DMD: variants seen among roughly 807,000 people sequenced by gnomAD.
DMD encodes the protein mutant dystrophin.
In DMD, 63 loss-of-function variants were observed where a neutral mutation model predicts 330.1. That is an observed-to-expected ratio of 0.19 (90% CI 0.16 to 0.24). The LOEUF (loss-of-function observed/expected upper bound fraction) is 0.24, where lower values mean the gene tolerates loss of function less well. Among genes scored for constraint, DMD ranks in the 10% least tolerant of loss-of-function variants. The pLI, the probability that DMD is intolerant of heterozygous loss-of-function variation, is 1.00. For missense variants in DMD, 3,344 were observed against 2,684.1 expected, an observed-to-expected ratio of 1.25 and a Z score of -5.43; for synonymous variants, 1,223 against 959.8, an observed-to-expected ratio of 1.27 and a Z score of -5.07.
intron 1 of DMD, among the ~76,000 whole-genome samples, chrX:33,243,930 T>A (rs1362607335): frequency 8.9e-6 from 1 of 111,974 alleles, no homozygotes; most frequent in East Asian, 2.8e-4. Flanking sequence ...TTACTTAATG[T>A]GTACAATGCA....
At chrX:32,430,796 A>G (rs2098235062) in intron 29 of DMD, among the ~76,000 whole-genome samples, 1 of 111,570 alleles carries the variant, frequency 9.0e-6, no homozygotes, top group Non-Finnish European at 1.9e-5. Flanking sequence ...TATGATTGGG[A>G]TCATGTATTA....
intron 30 of DMD, among the ~76,000 whole-genome samples, chrX:32,409,108 C>A (rs2098131637): frequency 9.0e-6 from 1 of 111,443 alleles, no homozygotes; most frequent in Admixed American, 9.7e-5. Flanking sequence ...TGAAGCAAAT[C>A]TGAGTACCTG....
intron 43 of DMD, among the ~76,000 whole-genome samples, chrX:32,256,112 T>TG (rs1337752345): frequency 9.0e-6 from 1 of 111,296 alleles, no homozygotes; most frequent in African/African-American, 3.3e-5. Context: ...TGTGTAGGAG[T>TG]GTAAGTCTCT....
Position 32,310,144 on chromosome X carries a change from T to G in DMD, c.6055A>C (p.Asn2019His). 1 of 1,209,565 alleles carries G rather than the reference T, an allele frequency of 8.3e-7. No homozygotes were observed. Among genetic ancestry groups the G allele is most frequent in the Non-Finnish European group, 1.1e-6 (1 of 893,906 alleles). Residue 2019 changes from asparagine (N) to histidine (H), a missense_variant, in exon 42 of 79, where the codon AAT (asparagine) becomes CAT (histidine). Physicochemically the swap from Asn to His is moderately conservative, Grantham distance 68. Coordinates refer to ENST00000357033, the MANE Select transcript of DMD (RefSeq NM_004006.3). ...QALLEVEQLL[N>H]APDLCAKDFE... is the part of the protein sequence containing the mutation. ...TCCTTAGCACAGAGGTCAGGAGCAT[T>G]GAGAAGTTGTTCCACTTCTAATAGG...
intron 44 of DMD, among the ~76,000 whole-genome samples, chrX:32,130,403 T>C (rs1211012221): frequency 1.8e-5 from 2 of 111,891 alleles, no homozygotes; most frequent in Non-Finnish European, 3.8e-5. Flanking sequence ...TATATATATA[T>C]GTGAAATCTT....
At chrX:32,929,167 T>C (rs1157586100) in intron 2 of DMD, among the ~76,000 whole-genome samples, 2 of 110,798 alleles carry the variant, frequency 1.8e-5, no homozygotes, top group African/African-American at 6.6e-5. Context: ...ATTTGGTATA[T>C]TTAATTTTGA....
intron 41 of DMD, among the ~76,000 whole-genome samples, chrX:32,316,467 C>T (rs185510280): frequency 2.8e-4 from 31 of 111,155 alleles, no homozygotes; most frequent in African/African-American, 8.8e-4. Context: ...TTAATGAAGA[C>T]GGATCTATTG....
chrX:33,232,288 T>G (rs978331845), intron 1 of DMD, among the ~76,000 whole-genome samples: 5 of 111,784 alleles, frequency 4.5e-5, no homozygotes, highest in African/African-American at 6.5e-5. Context: ...AAAATGAAAG[T>G]AAAACAAAAT....
At chrX:32,817,354 G>A (rs1006863628) in intron 5 of DMD, among the ~76,000 whole-genome samples, 8 of 111,678 alleles carry the variant, frequency 7.2e-5, no homozygotes, top group African/African-American at 2.6e-4. Flanking sequence ...TCATTACTTG[G>A]TTTCCATGTA....
chrX:32,658,053 C>A (rs1023857683), intron 9 of DMD, among the ~76,000 whole-genome samples: 1 of 111,459 alleles, frequency 9.0e-6, no homozygotes, highest in Admixed American at 9.6e-5. Flanking sequence ...AATAATATTC[C>A]TCTAGAATGA....
chrX:31,188,649 C>G (rs959318921), intron 67 of DMD, among the ~76,000 whole-genome samples: 3 of 111,678 alleles, frequency 2.7e-5, no homozygotes, highest in African/African-American at 9.8e-5. Flanking sequence ...CTCCATTTTC[C>G]CCTTCTATGT....
Position 31,721,118 on chromosome X carries a change from C to T in DMD, c.7660+8513G>A, listed in dbSNP as rs188526358. 1.4e-4 allele frequency among the ~76,000 whole-genome samples: 16 copies of T among 111,092 alleles called. No homozygotes were observed. In the East Asian group the frequency reaches 2.3e-3, roughly 16 times the overall value. On this transcript the variant is annotated intron_variant, in intron 52 of 78. Coordinates refer to ENST00000357033, the MANE Select transcript of DMD (RefSeq NM_004006.3). ...ATTAAAGACCATTTCTATTATTTAA[C>T]GTATATTTCCAGGTACCTTATTAAC...
intron 1 of DMD, among the ~76,000 whole-genome samples, chrX:33,333,414 T>C (rs1041756757): frequency 9.0e-6 from 1 of 111,252 alleles, no homozygotes; most frequent in Non-Finnish European, 1.9e-5. Context: ...TTGCTCCATA[T>C]TCCTAAGCCA....
At chrX:31,953,138 A>G (rs1167503798) in intron 45 of DMD, among the ~76,000 whole-genome samples, 1 of 112,577 alleles carries the variant, frequency 8.9e-6, no homozygotes, top group Non-Finnish European at 1.9e-5. Context: ...AGGAGACACA[A>G]GGAGTCCTTA....
chrX:32,161,237 A>C (rs1177895016), intron 44 of DMD, among the ~76,000 whole-genome samples: 2 of 111,712 alleles, frequency 1.8e-5, no homozygotes, highest in East Asian at 5.6e-4. Flanking sequence ...TCCCTAACTC[A>C]ATTCCTTTGT....
chrX:32,836,994 G>A (rs933441947), intron 4 of DMD, among the ~76,000 whole-genome samples: 4 of 111,361 alleles, frequency 3.6e-5, no homozygotes, highest in African/African-American at 9.8e-5. Flanking sequence ...GTCTCCAGAA[G>A]AATAGGAAGG....
At chrX:32,533,253 A>C (rs1362797022) in intron 17 of DMD, among the ~76,000 whole-genome samples, 4 of 111,637 alleles carry the variant, frequency 3.6e-5, no homozygotes, top group Non-Finnish European at 7.5e-5. Flanking sequence ...CAGAAGGTTT[A>C]AGTCTACATG....
At chrX:31,168,055 G>A (rs924042059) in intron 74 of DMD, among the ~76,000 whole-genome samples, 1 of 112,074 alleles carries the variant, frequency 8.9e-6, no homozygotes, top group African/African-American at 3.2e-5. Context: ...GTTATTTTGA[G>A]CAGTGTGATG....
chrX:32,797,125 T>C, intron 7 of DMD, among the ~76,000 whole-genome samples: 1 of 111,341 alleles, frequency 9.0e-6, no homozygotes, highest in Non-Finnish European at 1.9e-5. Context: ...TTTTTGTTTG[T>C]TTTTGTGGGA....
Sources: allele counts gnomAD v4.1 joint callset (sites outside exome capture counted in the v4.1 genomes callset), GRCh38; gene constraint gnomAD v4.1.1; transcripts MANE v1.5; gene names NCBI Gene and HGNC (gene_info 2026-07-23, HGNC 2026-07-21).